Variants in NDUFV2 observed in about 807,000 individuals in gnomAD.
NDUFV2 encodes the protein NADH:ubiquinone oxidoreductase core subunit V2, also known as NADH dehydrogenase [ubiquinone] flavoprotein 2, mitochondrial.
A neutral mutation model predicts 31.6 loss-of-function variants in NDUFV2; 18 were observed. That is an observed-to-expected ratio of 0.57 (90% CI 0.39 to 0.84). NDUFV2 has a LOEUF of 0.84. Ranked by LOEUF, NDUFV2 falls within the 40% of genes least tolerant of loss-of-function variation. NDUFV2 has a pLI of 0.00. For synonymous variants in NDUFV2, 83 were observed against 99.8 expected, an observed-to-expected ratio of 0.83 and a Z score of 1.01; for missense variants, 314 against 303.6, an observed-to-expected ratio of 1.03 and a Z score of -0.26.
intron 2 of NDUFV2, among the ~76,000 whole-genome samples, chr18:9,118,893 C>T (rs1464544074): frequency 2.9e-5 from 4 of 136,972 alleles, no homozygotes; most frequent in Non-Finnish European, 4.6e-5. Flanking sequence ...CCTTTTGGAT[C>T]CCAGATCCCT....
In NDUFV2 at chr18:9,119,540, G is replaced by C; in HGVS notation, c.250G>C (p.Asp84His). 1.2e-6 allele frequency: 2 copies of C among 1,613,866 alleles called. No homozygotes were observed. Among genetic ancestry groups the C allele is most frequent in the Non-Finnish European group, 1.7e-6 (2 of 1,179,868 alleles). The change falls in exon 4 of 8, where the codon GAT (aspartate) becomes CAT (histidine). Residue 84 changes from aspartate (D) to histidine (H), a missense_variant. Asp to His is a moderately conservative substitution (Grantham distance 81, BLOSUM62 -1). Transcript: ENST00000318388. ...HKAAAVLPVL[D>H]LAQRQNGWLP... ...AGCAGCAGCTGTTCTTCCAGTCCTG[G>C]ATTTAGCCCAAAGGCAGAATGGGTG...
At chr18:9,124,182 AGTTTTTTTTTT>A (rs897323751) in intron 5 of NDUFV2, among the ~76,000 whole-genome samples, 2 of 147,518 alleles carry the variant, frequency 1.4e-5, no homozygotes, top group African/African-American at 5.1e-5. Context: ...AATTACATAG[AGTTTTTTTTTT>A]GTTTTTTTTT....
Position 9,119,556 on chromosome 18 carries a change from A to G in NDUFV2, c.266A>G (p.Gln89Arg). The stretch of plus-strand genomic sequence containing the variant: ...CCAGTCCTGGATTTAGCCCAAAGGC[A>G]GAATGGGTGGTTGCCCATCTCTGCT... Reference protein sequence around the residue: ...VLPVLDLAQRQNGWLPISAMN... With the variant: ...VLPVLDLAQRRNGWLPISAMN... The change falls in exon 4 of 8, where the codon CAG becomes CGG. Residue 89 changes from glutamine to arginine, a missense_variant. Gln to Arg is a conservative substitution (Grantham distance 43, BLOSUM62 1). Transcript: ENST00000318388. 6.2e-7 allele frequency: 1 copy of G among 1,613,836 alleles called. No individual in the cohort carries two copies.
At chr18:9,128,656 T>C (rs2143087722) in intron 7 of NDUFV2, among the ~76,000 whole-genome samples, 1 of 152,322 alleles carries the variant, frequency 6.6e-6, no homozygotes, top group Non-Finnish European at 1.5e-5. Context: ...CCTTACTTAT[T>C]CTTGCTTTAA....
chr18:9,132,666 C>T lies in NDUFV2; in HGVS notation c.657-1520C>T, dbSNP rs147223065. On this transcript the variant is annotated intron_variant, in intron 7 of 7. Coordinates refer to ENST00000318388, the MANE Select transcript of NDUFV2 (RefSeq NM_021074.5). ...GAGGCGGACAGATTGTTTGAGCCCA[C>T]AAATTCAAGACCAGCCAGGGCAACA... 5.3e-5 allele frequency among the ~76,000 whole-genome samples: 8 copies of T among 152,190 alleles called. No individual in the cohort carries two copies. In the East Asian group the frequency reaches 1.5e-3, roughly 29 times the overall value.
intron 6 of NDUFV2, chr18:9,126,513 C>A: frequency 5.0e-6 from 1 of 200,320 alleles, no homozygotes; most frequent in South Asian, 1.0e-4. Flanking sequence ...GCTCTTGTTG[C>A]ATATTATATT....
intron 6 of NDUFV2, 109 bp from the exon 7 acceptor site, chr18:9,126,722 C>T: frequency 2.1e-6 from 2 of 957,978 alleles, no homozygotes; most frequent in South Asian, 2.7e-5. Flanking sequence ...ATTGCTTAAG[C>T]CCAGGAGTTG....
intron 5 of NDUFV2, among the ~76,000 whole-genome samples, chr18:9,124,353 G>A (rs753885941): frequency 1.3e-5 from 2 of 151,096 alleles, no homozygotes; most frequent in African/African-American, 2.4e-5. Flanking sequence ...AAATTCCTGG[G>A]CTCAAGCCAT....
At chr18:9,103,658 G>A (rs557388921) in intron 1 of NDUFV2, 2 of 155,526 alleles carry the variant, frequency 1.3e-5, no homozygotes, top group South Asian at 4.0e-4. Context: ...GGGCTTTAGA[G>A]TTAGACTCGA....
rs1471911869 is a variant in NDUFV2 at position 9,122,895 on chromosome 18, C to T, written c.469+214C>T. 2.6e-5 allele frequency among the ~76,000 whole-genome samples: 4 copies of T among 152,012 alleles called. No individual in the cohort carries two copies. In the East Asian group the frequency reaches 7.7e-4, roughly 29 times the overall value. ...GTTAAAGCTGAGTTTTTAATTTTTT[C>T]TTTTTTAATCAGTATGTTTGAAATG... On this transcript the variant is annotated intron_variant, in intron 5 of 7. Transcript: ENST00000318388.
At position 9,103,179 on chromosome 18, in the gene NDUFV2, G is replaced by C. The variant is rs989546665; in HGVS notation, c.54+382G>C. The C allele has an allele frequency of 7.5e-6, 3 of 400,536 alleles. No individual in the cohort carries two copies. The East Asian group carries it at 1.1e-4, about 14-fold the overall frequency. 24.8% of individuals were successfully genotyped at this position (400,536 alleles called of 1,614,324 possible). ...CTCTCGTTTCAAGCCTAGTGACCTC[G>C]ATGCTTTTAGGTTGCAGCATACTGG... On this transcript the variant is annotated intron_variant, in intron 1 of 7. Transcript: ENST00000318388.
intron 4 of NDUFV2, among the ~76,000 whole-genome samples, chr18:9,121,615 A>G (rs1019842557): frequency 6.6e-6 from 1 of 152,212 alleles, no homozygotes; most frequent in Non-Finnish European, 1.5e-5. Context: ...GGATATATCT[A>G]TAATTTTTAA....
chr18:9,103,083 T>G, intron 1 of NDUFV2: 1 of 421,630 alleles, frequency 2.4e-6, no homozygotes, highest in Non-Finnish European at 4.2e-6. Context: ...TTTTGCTGTT[T>G]TGCTGTAGCG....
At position 9,102,708 on chromosome 18, in the gene NDUFV2, T is replaced by A. The variant is rs975496182; in HGVS notation, c.-36T>A. 3 of 1,568,942 alleles carry A rather than the reference T, an allele frequency of 1.9e-6. No individual in the cohort carries two copies. The highest frequency in any genetic ancestry group is 2.4e-5 in the East Asian group (1 of 41,810). ...CCTGGGCGCGCTCGGGATTCTCGCC[T>A]GGCGCGGCTGGGGAAGGTGAACAGT... On this transcript the variant is annotated 5_prime_UTR_variant, in exon 1 of 8. Transcript: ENST00000318388.
Position 9,134,339 on chromosome 18 carries a change from A to T in NDUFV2, c.*60A>T. On this transcript the variant is annotated 3_prime_UTR_variant, in exon 8 of 8. Coordinates refer to ENST00000318388, the MANE Select transcript of NDUFV2 (RefSeq NM_021074.5). ...TAAAATATGGACTTCCAATCTACGTAAACTTATTTGTTTATTCTGCTCTGT... is the reference window on the plus strand; with the variant it reads ...TAAAATATGGACTTCCAATCTACGTTAACTTATTTGTTTATTCTGCTCTGT... The T allele has an allele frequency of 7.7e-7, 1 of 1,297,572 alleles. No homozygotes were observed. The highest frequency in any genetic ancestry group is 1.1e-6 in the Non-Finnish European group (1 of 896,238). 80.4% of individuals were successfully genotyped at this position (1,297,572 alleles called of 1,614,324 possible). A position where few individuals can be genotyped will look rare whatever the true frequency, so the allele number is the denominator to read the frequency against.
intron 1 of NDUFV2, among the ~76,000 whole-genome samples, chr18:9,110,605 G>A (rs953847454): frequency 6.6e-6 from 1 of 152,096 alleles, no homozygotes; most frequent in African/African-American, 2.4e-5. Context: ...CCTCTTGGGC[G>A]CAAGCGATGC....
At chr18:9,122,769 C>A in intron 5 of NDUFV2, 88 bp downstream of exon 5, 1 of 1,361,874 alleles carries the variant, frequency 7.3e-7, no homozygotes, top group Non-Finnish European at 1.0e-6. Context: ...TTTCCAACTT[C>A]TGCCATCTTA....
chr18:9,109,045 C>T (rs1323518106), intron 1 of NDUFV2, among the ~76,000 whole-genome samples: 2 of 151,966 alleles, frequency 1.3e-5, no homozygotes, highest in Non-Finnish European at 2.9e-5. Context: ...TATTGCAGAC[C>T]CTGACTTTTT....
At chr18:9,125,899 C>T (rs541683365) in intron 6 of NDUFV2, among the ~76,000 whole-genome samples, 44 of 152,238 alleles carry the variant, frequency 2.9e-4, no homozygotes, top group Non-Finnish European at 2.9e-4. Flanking sequence ...GGACAGTTTA[C>T]TCTTATAATG....
Sources: gnomAD v4.1 joint callset for allele counts (sites outside exome capture counted in the v4.1 genomes callset) on GRCh38, gnomAD v4.1.1 for gene constraint, MANE v1.5 for transcripts, NCBI Gene and HGNC (gene_info 2026-07-23, HGNC 2026-07-21) for gene names.